ZNF331: variants seen among roughly 807,000 people sequenced by gnomAD.
ZNF331 encodes the protein zinc finger protein 331.
A neutral mutation model predicts 7.0 loss-of-function variants in ZNF331; 2 were observed. That is an observed-to-expected ratio of 0.29 (90% confidence interval 0.12 to 0.90). The LOEUF is 0.90. Ranked by LOEUF, ZNF331 falls within the 40% of genes least tolerant of loss-of-function variation. ZNF331 has a pLI of 0.58. For synonymous variants in ZNF331, 196 were observed against 205.4 expected (o/e 0.95, Z 0.39); for missense variants, 432 against 587.7 (o/e 0.74, Z 2.74).
Position 53,573,280 on chromosome 19 carries a change from G to A in ZNF331, c.136+1550G>A, listed in dbSNP as rs2090551832. 6.6e-6 allele frequency among the ~76,000 whole-genome samples: 1 copy of A among 151,818 alleles called. No individual in the cohort carries two copies. Among genetic ancestry groups the A allele is most frequent in the South Asian group, 2.1e-4 (1 of 4,806 alleles). On this transcript the variant is annotated intron_variant, in intron 5 of 5. Coordinates refer to ENST00000449416, the MANE Select transcript of ZNF331 (RefSeq NM_001079906.2). This position sits in a 1 kb window ranked among gnomAD's most constrained non-coding sequence, Gnocchi z 4.2. Reference sequence around the variant, plus strand: ...ACTCCTGTGATCACAAGACTGGCAGGCCAAGGCAGACGGATCACGAAGATA... The same window carrying A: ...ACTCCTGTGATCACAAGACTGGCAGACCAAGGCAGACGGATCACGAAGATA...
At position 53,533,023 on chromosome 19, in the gene ZNF331, G is replaced by A. The variant is rs183852896; in HGVS notation, c.-204-6193G>A. On this transcript the variant is annotated intron_variant, in intron 2 of 6. Transcript: ENST00000253144. ...TTTAGTCTCCATTTATTTTTATTCC[G>A]ACTTTTATTATTCCTTTCATTACTA... Among the ~76,000 whole-genome samples, 283 of 151,368 alleles carry A rather than the reference G, an allele frequency of 1.9e-3. 1 individual carries two copies. Among genetic ancestry groups the A allele is most frequent in the African/African-American group, 6.6e-3 (273 of 41,276 alleles).
chr19:53,514,259 C>A, the ZNF331 span, among the ~76,000 whole-genome samples: 3 of 152,018 alleles, frequency 2.0e-5, no homozygotes, highest in Non-Finnish European at 2.9e-5. Flanking sequence ...AGTGCAGTGG[C>A]ACGATCTCAG....
intron 3 of ZNF331, among the ~76,000 whole-genome samples, chr19:53,559,738 T>TACAC (rs1457813960): frequency 1.7e-5 from 1 of 57,172 alleles, no homozygotes; most frequent in Admixed American, 1.4e-4. Flanking sequence ...TATATACACA[T>TACAC]ATACACCATA....
rs1254813898 is a variant in ZNF331, at chr19:53,560,848, C to T, written c.-74+4940C>T. Among the ~76,000 whole-genome samples, 5 of 152,130 alleles carry T rather than the reference C, an allele frequency of 3.3e-5. No homozygotes were observed. Among genetic ancestry groups the T allele is most frequent in the Non-Finnish European group, 7.3e-5 (5 of 68,030 alleles). On this transcript the variant is annotated intron_variant, in intron 3 of 5. Coordinates refer to ENST00000449416, the MANE Select transcript of ZNF331 (RefSeq NM_001079906.2). This position sits in a 1 kb window ranked among gnomAD's most constrained non-coding sequence, Gnocchi z 4.3. Reference sequence around the variant, plus strand: ...GCTTCTATAACTCAAGAGAATCTTCCGTATGTTAGAGGCAGCCGATTAGCC... The same window carrying T: ...GCTTCTATAACTCAAGAGAATCTTCTGTATGTTAGAGGCAGCCGATTAGCC...
upstream of ZNF331, chr19:53,520,936 A>C (rs1212298390): frequency 6.7e-6 from 1 of 150,216 alleles, no homozygotes; most frequent in South Asian, 2.1e-4. Flanking sequence ...TGCGCCGTGT[A>C]GAGTTGCATG....
At chr19:53,549,452 G>T (rs1288353062) in intron 2 of ZNF331, among the ~76,000 whole-genome samples, 1 of 152,154 alleles carries the variant, frequency 6.6e-6, no homozygotes, top group African/African-American at 2.4e-5. Flanking sequence ...TGGAGCTAGG[G>T]TTTTTAAGGG....
At chr19:53,556,971 C>CTT (rs59869542) in intron 3 of ZNF331, among the ~76,000 whole-genome samples, 10 of 69,624 alleles carry the variant, frequency 1.4e-4, no homozygotes, top group Admixed American at 3.5e-4. Flanking sequence ...ACACCTGGCT[C>CTT]TTTTTTTTTT....
intron 2 of ZNF331, among the ~76,000 whole-genome samples, chr19:53,540,560 G>A (rs930616602): frequency 1.3e-5 from 2 of 152,084 alleles, no homozygotes; most frequent in African/African-American, 4.8e-5. Flanking sequence ...AGCCTCCCGA[G>A]TAGCTGGGAT....
At chr19:53,524,417 T>C (rs4803142) in intron 2 of ZNF331, among the ~76,000 whole-genome samples, 100,577 of 151,250 alleles carry the variant, frequency 0.66, 34,416 homozygotes, top group African/African-American at 0.84. Flanking sequence ...ACATCCTCTC[T>C]AGCATCTGTT....
intron 1 of ZNF331, chr19:53,522,498 G>A (rs926909079): frequency 6.6e-6 from 1 of 152,106 alleles, no homozygotes; most frequent in Non-Finnish European, 1.5e-5. Context: ...GCTTCCCAAA[G>A]TTCTGGGATT....
At chr19:53,522,695 T>G (rs1479127929) in intron 2 of ZNF331, 2 of 152,218 alleles carry the variant, frequency 1.3e-5, no homozygotes, top group African/African-American at 4.8e-5. Context: ...GTGAGTTAGC[T>G]TTTTGTTCAT....
rs1251555434 is a variant in ZNF331, at chr19:53,560,951, A to G, written c.-74+5043A>G. On this transcript the variant is annotated intron_variant, in intron 3 of 5. Coordinates refer to ENST00000449416, the MANE Select transcript of ZNF331 (RefSeq NM_001079906.2). The surrounding 1 kb of genome is among the most constrained non-coding windows in gnomAD (Gnocchi z 4.3). The stretch of plus-strand genomic sequence containing the variant: ...TTTGAAAGTACTGGAATTACCATAG[A>G]GACACATTTGAGAGGTGGGCAAAGT... 6.6e-6 allele frequency among the ~76,000 whole-genome samples: 1 copy of G among 152,156 alleles called. No individual in the cohort carries two copies. Among genetic ancestry groups the G allele is most frequent in the African/African-American group, 2.4e-5 (1 of 41,432 alleles).
At chr19:53,566,695 GAA>G (rs1262937071) in intron 3 of ZNF331, among the ~76,000 whole-genome samples, 13 of 152,178 alleles carry the variant, frequency 8.5e-5, no homozygotes, top group African/African-American at 2.9e-4. Context: ...ACACGTGAAA[GAA>G]GAGTGAGAAC....
chr19:53,521,673 C>T (rs1231580823), exon 1 of ZNF331: 4 of 152,596 alleles, frequency 2.6e-5, no homozygotes, highest in African/African-American at 9.6e-5. Flanking sequence ...GTCTCCGTGT[C>T]TCTGAAATGT....
chr19:53,519,471 T>G (rs1284520), upstream of ZNF331, among the ~76,000 whole-genome samples: 1 of 151,872 alleles, frequency 6.6e-6, no homozygotes, highest in African/African-American at 2.4e-5. Flanking sequence ...CATGTCCTAC[T>G]GGGCAAAGGC....
At chr19:53,561,976 C>G (rs1001990157) in intron 3 of ZNF331, among the ~76,000 whole-genome samples, 1 of 151,880 alleles carries the variant, frequency 6.6e-6, no homozygotes, top group Admixed American at 6.6e-5. Context: ...GGTGAAACGC[C>G]GTCTCTACAA....
chr19:53,528,199 C>T (rs1399227451), intron 2 of ZNF331, among the ~76,000 whole-genome samples: 1 of 152,190 alleles, frequency 6.6e-6, no homozygotes, highest in African/African-American at 2.4e-5. Context: ...AAAGAGGGAA[C>T]ATTTTCTTAC....
At chr19:53,547,594 A>G (rs2088698070) in intron 2 of ZNF331, among the ~76,000 whole-genome samples, 1 of 152,186 alleles carries the variant, frequency 6.6e-6, no homozygotes, top group Non-Finnish European at 1.5e-5. Context: ...TTTTTCAGGC[A>G]TCTCCACGGT....
chr19:53,516,598 C>A (rs2086910346), upstream of ZNF331, among the ~76,000 whole-genome samples: 1 of 152,124 alleles, frequency 6.6e-6, no homozygotes, highest in African/African-American at 2.4e-5. Context: ...GGATGCCTCA[C>A]CTAACACCCA....
Sources: allele counts gnomAD v4.1 joint callset (sites outside exome capture counted in the v4.1 genomes callset), GRCh38; gene constraint gnomAD v4.1.1; non-coding constraint Gnocchi (gnomAD v3.1); transcripts MANE v1.5; gene names NCBI Gene and HGNC (gene_info 2026-07-23, HGNC 2026-07-21).